SLCO6A1: variants seen among roughly 807,000 people sequenced by gnomAD.
The protein encoded by SLCO6A1 is cancer/testis antigen 48.
SLCO6A1 carries 65 observed loss-of-function variants against 72.7 expected under a neutral mutation model. That is an observed-to-expected ratio of 0.89 (90% CI 0.73 to 1.10). The LOEUF (loss-of-function observed/expected upper bound fraction) is 1.10, where lower values mean the gene tolerates loss of function less well. SLCO6A1 is among the 50% of genes least tolerant of loss of function. The probability of loss-of-function intolerance (pLI) is 0.00; values close to 1 mark genes in which losing one functional copy is unlikely to be tolerated. For synonymous variants in SLCO6A1, 314 were observed against 298.2 expected, an observed-to-expected ratio of 1.05 and a Z score of -0.55; for missense variants, 874 against 872.6, an observed-to-expected ratio of 1.00 and a Z score of -0.02.
intron 7 of SLCO6A1, among the ~76,000 whole-genome samples, 158 bp from the exon 8 acceptor site, chr5:102,420,179 C>T (rs1326595806): frequency 6.6e-6 from 1 of 152,114 alleles, no homozygotes; most frequent in Non-Finnish European, 1.5e-5. Context: ...GCTTGACGAA[C>T]CCGAACCTTA....
chr5:102,427,614 C>A (rs2112640344), intron 7 of SLCO6A1, among the ~76,000 whole-genome samples: 1 of 151,794 alleles, frequency 6.6e-6, no homozygotes, highest in Non-Finnish European at 1.5e-5. Context: ...TTCAAAGAGA[C>A]ATGACAACTA....
intron 1 of SLCO6A1, among the ~76,000 whole-genome samples, chr5:102,493,299 C>A (rs113166176): frequency 0.017 from 2,613 of 152,176 alleles, 34 homozygotes; most frequent in African/African-American, 0.033. Flanking sequence ...AAAAGACAAT[C>A]ATCTAATAAA....
chr5:102,462,302 C>T (rs1751078748), intron 4 of SLCO6A1, among the ~76,000 whole-genome samples: 1 of 152,094 alleles, frequency 6.6e-6, no homozygotes, highest in Non-Finnish European at 1.5e-5. Context: ...GTGAAAATGA[C>T]CATACTGCCA....
chr5:102,418,612 C>A (rs1242095487), intron 8 of SLCO6A1, among the ~76,000 whole-genome samples: 1 of 152,152 alleles, frequency 6.6e-6, no homozygotes, highest in Non-Finnish European at 1.5e-5. Flanking sequence ...TATTATCTCT[C>A]TATGACACAG....
chr5:102,410,168 C>T (rs1280631473), intron 9 of SLCO6A1, among the ~76,000 whole-genome samples: 5 of 152,176 alleles, frequency 3.3e-5, no homozygotes, highest in African/African-American at 9.6e-5. Flanking sequence ...CAGTGGGTAG[C>T]TCCTCTCTGT....
At chr5:102,416,219 AAAAAT>A (rs945578926) in intron 8 of SLCO6A1, among the ~76,000 whole-genome samples, 28 of 152,264 alleles carry the variant, frequency 1.8e-4, no homozygotes, top group African/African-American at 6.7e-4. Context: ...CTAACCAGAG[AAAAAT>A]AAAATAATAT....
chr5:102,456,997 G>T lies in SLCO6A1; in HGVS notation c.1131+1385C>A, dbSNP rs544219048. Reference sequence around the variant, plus strand: ...GACAAACCTGAGAAAAACAAGCAATGGGGAAAGGATTCCCTATTTAATAAA... The same window carrying T: ...GACAAACCTGAGAAAAACAAGCAATTGGGAAAGGATTCCCTATTTAATAAA... On this transcript the variant is annotated intron_variant, in intron 6 of 13. Transcript: ENST00000506729. Among the ~76,000 whole-genome samples the T allele has an allele frequency of 3.0e-3, 453 of 152,224 alleles. 5 individuals are homozygous for T. Among genetic ancestry groups the T allele is most frequent in the South Asian group, 0.023 (110 of 4,824 alleles).
intron 6 of SLCO6A1, among the ~76,000 whole-genome samples, chr5:102,447,272 T>G (rs997633872): frequency 3.3e-5 from 5 of 152,172 alleles, no homozygotes; most frequent in African/African-American, 9.6e-5. Flanking sequence ...TTTGCTAGTA[T>G]TTTTTTGAGA....
At chr5:102,413,985 T>A (rs1036672566) in intron 8 of SLCO6A1, among the ~76,000 whole-genome samples, 13 of 152,130 alleles carry the variant, frequency 8.5e-5, no homozygotes, top group African/African-American at 3.1e-4. Flanking sequence ...GTAATTTTTT[T>A]GTTAGATATA....
chr5:102,491,035 T>C (rs1011402081), intron 1 of SLCO6A1, among the ~76,000 whole-genome samples: 1 of 152,060 alleles, frequency 6.6e-6, no homozygotes, highest in Non-Finnish European at 1.5e-5. Flanking sequence ...AGGGCGCTGA[T>C]TGGTGCGTTT....
chr5:102,475,869 T>C (rs1431866705), intron 3 of SLCO6A1, 76 bp from the exon 4 acceptor site: 8 of 1,127,768 alleles, frequency 7.1e-6, no homozygotes, highest in Non-Finnish European at 3.9e-6. Context: ...TTGACTGAAA[T>C]TGATTACTTC....
intron 4 of SLCO6A1, among the ~76,000 whole-genome samples, chr5:102,463,050 A>C: frequency 6.6e-6 from 1 of 152,092 alleles, no homozygotes; most frequent in East Asian, 1.9e-4. Context: ...ATCCAGAATC[A>C]ACTAGGAATT....
At chr5:102,479,468 A>C (rs1036126834) in intron 2 of SLCO6A1, among the ~76,000 whole-genome samples, 1 of 152,000 alleles carries the variant, frequency 6.6e-6, no homozygotes, top group Admixed American at 6.6e-5. Context: ...AACCTTTCCT[A>C]ATGATAATTT....
intron 8 of SLCO6A1, among the ~76,000 whole-genome samples, chr5:102,414,937 A>AATT (rs1561441838): frequency 8.3e-5 from 10 of 120,740 alleles, no homozygotes; most frequent in African/African-American, 2.4e-4. Context: ...ATAAATAAAT[A>AATT]AATTAATTAA....
chr5:102,456,370 C>T (rs1188335851), intron 6 of SLCO6A1, among the ~76,000 whole-genome samples: 1 of 152,040 alleles, frequency 6.6e-6, no homozygotes, highest in Non-Finnish European at 1.5e-5. Flanking sequence ...TTGTCTCAGC[C>T]CAAAATCTCC....
intron 11 of SLCO6A1, among the ~76,000 whole-genome samples, chr5:102,389,202 TA>T (rs1746593133): frequency 6.6e-6 from 1 of 152,152 alleles, no homozygotes; most frequent in East Asian, 1.9e-4. Flanking sequence ...TCTTTAATTG[TA>T]AAATTTTCAA....
chr5:102,496,882 C>T (rs533512338), intron 1 of SLCO6A1, among the ~76,000 whole-genome samples: 1 of 152,276 alleles, frequency 6.6e-6, no homozygotes, highest in Non-Finnish European at 1.5e-5. Context: ...AACTCGCTTC[C>T]CTATTCAACA....
At chr5:102,480,576 A>G (rs945049015) in intron 1 of SLCO6A1, 142 bp from the exon 2 acceptor site, 8 of 836,880 alleles carry the variant, frequency 9.6e-6, no homozygotes, top group Non-Finnish European at 1.4e-5. Context: ...GCAAGTAACA[A>G]TTCCTTTTCT....
Position 102,448,827 on chromosome 5 carries a change from G to A in SLCO6A1, c.1131+9555C>T, listed in dbSNP as rs1035769837. 3.3e-5 allele frequency among the ~76,000 whole-genome samples: 5 copies of A among 152,032 alleles called. No homozygotes were observed. The East Asian group carries it at 9.6e-4, about 29-fold the overall frequency. On this transcript the variant is annotated intron_variant, in intron 6 of 13. Coordinates refer to ENST00000506729, the MANE Select transcript of SLCO6A1 (RefSeq NM_173488.5). ...TAGGTCTTGCTTTATTATCCGACTC[G>A]ACGGTCTGTGCCTTTTAAGTGGGAG...
Sources: allele counts gnomAD v4.1 joint callset (sites outside exome capture counted in the v4.1 genomes callset), GRCh38; gene constraint gnomAD v4.1.1; transcripts MANE v1.5; gene names NCBI Gene and HGNC (gene_info 2026-07-23, HGNC 2026-07-21).